The following TSPEAR variants were observed in gnomAD, a reference collection of about 807,000 sequenced individuals.
TSPEAR encodes thrombospondin type laminin G domain and EAR repeats, also known as thrombospondin-type laminin G domain and EAR repeat-containing protein.
Under a neutral mutation model 71.6 loss-of-function variants are expected in TSPEAR, and 69 were observed. That is an observed-to-expected ratio of 0.96 (90% CI 0.79 to 1.18). The LOEUF (loss-of-function observed/expected upper bound fraction) is 1.18. TSPEAR is among the 50% of genes most tolerant of loss of function. The pLI is 0.00. For synonymous variants in TSPEAR, 402 were observed against 387.2 expected, an observed-to-expected ratio of 1.04 and a Z score of -0.45; for missense variants, 971 against 894.9, an observed-to-expected ratio of 1.09 and a Z score of -1.09.
intron 1 of TSPEAR, among the ~76,000 whole-genome samples, chr21:44,629,618 C>G (rs1237134598): frequency 6.6e-6 from 1 of 152,216 alleles, no homozygotes. Flanking sequence ...GTGAGGCCAC[C>G]TGTGCCTCGA....
chr21:44,677,602 C>A, intron 1 of TSPEAR: 1 of 1,061,682 alleles, frequency 9.4e-7, no homozygotes, highest in Non-Finnish European at 1.5e-6. Context: ...TCATCAATTG[C>A]AGGGTGATCA....
chr21:44,612,101 A>G lies in TSPEAR; in HGVS notation c.83-44096T>C. 1 of 1,612,782 alleles carries G rather than the reference A, an allele frequency of 6.2e-7. No individual in the cohort carries two copies. The highest frequency in any genetic ancestry group is 8.5e-7 in the Non-Finnish European group (1 of 1,179,354). ...CACACCACCCAGTCCAGCACCCACCATGGCTGACGCCTGCTGCACCAGGAC... is the reference window on the plus strand; with the variant it reads ...CACACCACCCAGTCCAGCACCCACCGTGGCTGACGCCTGCTGCACCAGGAC... On this transcript the variant is annotated intron_variant, in intron 1 of 11. Transcript: ENST00000323084. This position sits in a 1 kb window ranked among gnomAD's most constrained non-coding sequence, Gnocchi z 4.1.
intron 1 of TSPEAR, among the ~76,000 whole-genome samples, chr21:44,613,181 A>G (rs1420073159): frequency 6.6e-6 from 1 of 152,090 alleles, no homozygotes; most frequent in Non-Finnish European, 1.5e-5. Flanking sequence ...CTACTCCCCA[A>G]TAAACTCTCC....
At position 44,646,973 on chromosome 21, in the gene TSPEAR, C is replaced by T. The variant is rs1984447953; in HGVS notation, c.82+64460G>A. The T allele has an allele frequency of 1.9e-6, 3 of 1,613,252 alleles. No homozygotes were observed. In the Admixed American group the frequency reaches 5.0e-5, roughly 27 times the overall value. ...GATTCCTCTTCATGCTGCCAGCAGT[C>T]TAGCTGCCAGCCAGCTTGCTGCACC... On this transcript the variant is annotated intron_variant, in intron 1 of 11. Transcript: ENST00000323084.
intron 10 of TSPEAR, among the ~76,000 whole-genome samples, chr21:44,505,554 A>T (rs1473768311): frequency 2.8e-4 from 2 of 7,032 alleles, no homozygotes; most frequent in African/African-American, 6.1e-4. Context: ...AGTAAACATC[A>T]CCCCCTCCCC....
intron 10 of TSPEAR, chr21:44,508,987 C>T (rs2052276287): frequency 2.0e-6 from 3 of 1,528,506 alleles, no homozygotes; most frequent in South Asian, 2.4e-5. Flanking sequence ...GGAACCAAAC[C>T]TGTGTCTCAG....
At chr21:44,507,408 G>A (rs2052229156) in intron 10 of TSPEAR, among the ~76,000 whole-genome samples, 1 of 152,256 alleles carries the variant, frequency 6.6e-6, no homozygotes, top group Non-Finnish European at 1.5e-5. Flanking sequence ...TTTTGGACTT[G>A]GTGAGGCCAC....
At chr21:44,525,538 C>T (rs1005400448) in intron 8 of TSPEAR, 115 bp downstream of exon 8, 1 of 1,134,308 alleles carries the variant, frequency 8.8e-7, no homozygotes, top group Non-Finnish European at 1.3e-6. Context: ...GCATGTTCAC[C>T]CTGTGCTGCA....
In TSPEAR at chr21:44,711,216, C is replaced by T. The variant is rs1259249345; in HGVS notation, c.82+217G>A. Among the ~76,000 whole-genome samples the T allele has an allele frequency of 6.6e-6, 1 of 151,878 alleles. No homozygotes were observed. Among genetic ancestry groups the T allele is most frequent in the African/African-American group, 2.4e-5 (1 of 41,308 alleles). On this transcript the variant is annotated intron_variant, in intron 1 of 11. Coordinates refer to ENST00000323084, the MANE Select transcript of TSPEAR (RefSeq NM_144991.3). The surrounding 1 kb of genome is among the most constrained non-coding windows in gnomAD (Gnocchi z 4.5). ...ACCCTGCGTGCGTTCTAAAGAGCCGCGTTTCTATTGCAACTGCCTGCCCTG... is the reference window on the plus strand; with the variant it reads ...ACCCTGCGTGCGTTCTAAAGAGCCGTGTTTCTATTGCAACTGCCTGCCCTG...
rs185842794 is a variant in TSPEAR, at chr21:44,506,650, G to A, written c.1755-1769C>T. On this transcript the variant is annotated intron_variant, in intron 10 of 11. Coordinates refer to ENST00000323084, the MANE Select transcript of TSPEAR (RefSeq NM_144991.3). The surrounding 1 kb of genome is among the most constrained non-coding windows in gnomAD (Gnocchi z 4.2). ...TTATGATTTGGTTCCCATGCAGCCC[G>A]TGCCAGCTCGCTGGGAGGAGGACGA... 5.3e-4 allele frequency among the ~76,000 whole-genome samples: 80 copies of A among 152,358 alleles called. No individual in the cohort carries two copies. Among genetic ancestry groups the A allele is most frequent in the African/African-American group, 1.6e-3 (65 of 41,590 alleles).
At chr21:44,636,751 C>T (rs1983594947) in intron 1 of TSPEAR, among the ~76,000 whole-genome samples, 1 of 152,296 alleles carries the variant, frequency 6.6e-6, no homozygotes. Context: ...CTGACCAGGG[C>T]TCCAGGGGAT....
At chr21:44,654,262 A>G in intron 1 of TSPEAR, 1 of 1,610,062 alleles carries the variant, frequency 6.2e-7, no homozygotes, top group Non-Finnish European at 8.5e-7. Context: ...CGAGGGTCAT[A>G]GGAGGCCACC....
At chr21:44,560,804 C>T (rs1754061065) in intron 2 of TSPEAR, among the ~76,000 whole-genome samples, 1 of 152,056 alleles carries the variant, frequency 6.6e-6, no homozygotes, top group African/African-American at 2.4e-5. Context: ...GAGACAATGT[C>T]CCAGAATCTC....
chr21:44,574,929 T>G, intron 1 of TSPEAR: 1 of 1,605,516 alleles, frequency 6.2e-7, no homozygotes, highest in Non-Finnish European at 8.5e-7. Context: ...CCAACCCAGC[T>G]GCTGCCGCCC....
chr21:44,574,045 A>C, intron 1 of TSPEAR: 1 of 1,612,786 alleles, frequency 6.2e-7, no homozygotes, highest in African/African-American at 1.3e-5. Flanking sequence ...TCTAGCTGCC[A>C]GCTGGCTTGC....
chr21:44,580,224 T>G, intron 1 of TSPEAR: 9 of 1,609,372 alleles, frequency 5.6e-6, no homozygotes, highest in Non-Finnish European at 7.6e-6. Flanking sequence ...GCACAGCAAG[T>G]TGGCTGGCAG....
chr21:44,538,958 C>T, intron 2 of TSPEAR: 1 of 466,322 alleles, frequency 2.1e-6, no homozygotes, highest in South Asian at 3.1e-5. Flanking sequence ...ATGTGTCCCC[C>T]AGGAACACAA....
At chr21:44,630,796 A>T (rs1056457206) in intron 1 of TSPEAR, among the ~76,000 whole-genome samples, 1 of 152,262 alleles carries the variant, frequency 6.6e-6, no homozygotes, top group East Asian at 1.9e-4. Context: ...TTTTGACTCC[A>T]GGTGTTTAAG....
intron 1 of TSPEAR, chr21:44,702,586 T>A: frequency 3.1e-6 from 5 of 1,607,754 alleles, no homozygotes; most frequent in South Asian, 1.1e-5. Context: ...TTGCTGCACT[T>A]CCTCCTGCTG....
Sources: gnomAD v4.1 joint callset for allele counts (sites outside exome capture counted in the v4.1 genomes callset) on GRCh38, gnomAD v4.1.1 for gene constraint, Gnocchi (gnomAD v3.1) non-coding constraint, MANE v1.5 for transcripts, NCBI Gene and HGNC (gene_info 2026-07-23, HGNC 2026-07-21) for gene names.